The following RMST variants were observed in gnomAD, a reference collection of about 807,000 sequenced individuals.
RMST encodes the protein long intergenic non-protein coding RNA 54.
chr12:97,487,720 G>A (rs191195764), intron 5 of RMST, among the ~76,000 whole-genome samples: 1 of 152,306 alleles, frequency 6.6e-6, no homozygotes. Flanking sequence ...TACTGCATGA[G>A]TCCATTCCCT....
intron 5 of RMST, among the ~76,000 whole-genome samples, chr12:97,472,464 G>A (rs1874040772): frequency 6.6e-6 from 1 of 152,060 alleles, no homozygotes; most frequent in Admixed American, 6.6e-5. Flanking sequence ...TAAAGTGCTA[G>A]GAAGATCCGA....
intron 10 of RMST, among the ~76,000 whole-genome samples, chr12:97,511,910 A>G (rs1411553899): frequency 6.6e-6 from 1 of 152,252 alleles, no homozygotes; most frequent in Non-Finnish European, 1.5e-5. Flanking sequence ...ATTGGAAACA[A>G]TCTAAATCAA....
intron 10 of RMST, among the ~76,000 whole-genome samples, chr12:97,516,145 A>T (rs1771030639): frequency 6.6e-6 from 1 of 152,016 alleles, no homozygotes; most frequent in South Asian, 2.1e-4. Context: ...ACAGTAGTTG[A>T]CTATTTCTTT....
chr12:97,545,030 A>G (rs1194791432), intron 11 of RMST, among the ~76,000 whole-genome samples: 3 of 152,198 alleles, frequency 2.0e-5, no homozygotes, highest in African/African-American at 4.8e-5. Flanking sequence ...AAAGAGAATC[A>G]TTTTTCACAA....
At chr12:97,480,992 T>C (rs1162315966) in intron 5 of RMST, among the ~76,000 whole-genome samples, 2 of 152,338 alleles carry the variant, frequency 1.3e-5, no homozygotes, top group East Asian at 3.9e-4. Flanking sequence ...ACCTGAGCTA[T>C]ACAGTTCATT....
Position 97,536,931 on chromosome 12 carries a change from G to A in RMST, n.1545+6072G>A, listed in dbSNP as rs567527286. 6.4e-4 allele frequency among the ~76,000 whole-genome samples: 97 copies of A among 151,418 alleles called. 1 individual carries two copies. The highest frequency in any genetic ancestry group is 9.7e-4 in the African/African-American group (40 of 41,418). On this transcript the variant is annotated intron_variant and non_coding_transcript_variant, in intron 11 of 13. Coordinates refer to ENST00000640149, the Ensembl canonical transcript of RMST. ...ACAATGAAACTAGTTTTTCTGAACC[G>A]ATTAAAATATTTAATCAAAATGATC...
At chr12:97,535,244 C>T (rs982458050) in intron 11 of RMST, among the ~76,000 whole-genome samples, 1 of 151,612 alleles carries the variant, frequency 6.6e-6, no homozygotes, top group Non-Finnish European at 1.5e-5. Flanking sequence ...TTTTCTAGGA[C>T]TAGTTTTCAA....
At chr12:97,527,561 G>A (rs1881235074) in intron 10 of RMST, among the ~76,000 whole-genome samples, 1 of 152,120 alleles carries the variant, frequency 6.6e-6, no homozygotes, top group Non-Finnish European at 1.5e-5. Context: ...GATTCTTCAA[G>A]GCAATGCCAA....
chr12:97,541,045 A>T (rs540642170), intron 11 of RMST, among the ~76,000 whole-genome samples: 1 of 151,752 alleles, frequency 6.6e-6, no homozygotes, highest in African/African-American at 2.4e-5. Context: ...TTTTGTACAC[A>T]TATATCATTT....
chr12:97,523,461 A>G (rs916794192), intron 10 of RMST, among the ~76,000 whole-genome samples: 2 of 152,148 alleles, frequency 1.3e-5, no homozygotes, highest in Non-Finnish European at 2.9e-5. Context: ...AAATAGCTAG[A>G]AGAGAGGATT....
intron 10 of RMST, among the ~76,000 whole-genome samples, chr12:97,501,052 C>T (rs1399250795): frequency 6.6e-6 from 1 of 152,150 alleles, no homozygotes; most frequent in Non-Finnish European, 1.5e-5. Context: ...TGTGGTGGAC[C>T]AGTAACAAAA....
At chr12:97,526,902 G>C (rs530013749) in intron 10 of RMST, among the ~76,000 whole-genome samples, 1 of 152,094 alleles carries the variant, frequency 6.6e-6, no homozygotes, top group Non-Finnish European at 1.5e-5. Flanking sequence ...ACATGTGTTA[G>C]TCACAGTCTT....
At chr12:97,540,927 TAGATAGAG>T (rs1882443179) in intron 11 of RMST, among the ~76,000 whole-genome samples, 1 of 139,842 alleles carries the variant, frequency 7.2e-6, no homozygotes, top group Non-Finnish European at 1.6e-5. Flanking sequence ...GATAGATAAA[TAGATAGAG>T]AGATAGATAG....
intron 10 of RMST, among the ~76,000 whole-genome samples, chr12:97,496,898 G>A (rs892093074): frequency 2.0e-5 from 3 of 152,190 alleles, no homozygotes; most frequent in Non-Finnish European, 1.5e-5. Context: ...TTGGATAGGT[G>A]AATGGAATAC....
intron 5 of RMST, among the ~76,000 whole-genome samples, chr12:97,466,153 C>T (rs1873157168): frequency 6.6e-6 from 1 of 152,122 alleles, no homozygotes; most frequent in African/African-American, 2.4e-5. Flanking sequence ...AATAAGCATG[C>T]CTATATTATT....
intron 5 of RMST, among the ~76,000 whole-genome samples, chr12:97,477,067 G>A (rs896371324): frequency 3.9e-5 from 6 of 152,138 alleles, no homozygotes; most frequent in African/African-American, 1.4e-4. Flanking sequence ...GACTTTAGGG[G>A]AAGGTTTAGA....
chr12:97,479,478 A>G (rs1312759993), intron 5 of RMST, among the ~76,000 whole-genome samples: 1 of 152,084 alleles, frequency 6.6e-6, no homozygotes, highest in African/African-American at 2.4e-5. Flanking sequence ...AATTCCCAGC[A>G]TCTGGCTTCT....
chr12:97,547,962 T>G (rs1197836501), intron 11 of RMST, among the ~76,000 whole-genome samples: 2 of 152,096 alleles, frequency 1.3e-5, no homozygotes, highest in Non-Finnish European at 2.9e-5. Flanking sequence ...TTAAAAAAAT[T>G]TATTACCTAC....
exon 14 of RMST, chr12:97,564,236 G>T: frequency 5.7e-6 from 1 of 174,228 alleles, no homozygotes; most frequent in Non-Finnish European, 1.2e-5. Context: ...ACCTGTTGAG[G>T]TCTTTCTTCT....
Sources: gnomAD v4.1 joint callset for allele counts (sites outside exome capture counted in the v4.1 genomes callset) on GRCh38, gnomAD v4.1.1 for gene constraint, MANE v1.5 for transcripts, NCBI Gene and HGNC (gene_info 2026-07-23, HGNC 2026-07-21) for gene names.